The following PTPRG variants were observed in gnomAD, a reference collection of about 807,000 sequenced individuals.
PTPRG encodes protein tyrosine phosphatase receptor type G, also known as receptor-type tyrosine-protein phosphatase gamma.
A neutral mutation model predicts 165.3 loss-of-function variants in PTPRG; 102 were observed. The ratio of observed to expected loss-of-function variants is 0.62; its 90% CI spans 0.53 to 0.73. The LOEUF is 0.73. PTPRG is among the 30% of genes least tolerant of loss of function. PTPRG has a pLI of 0.00. For synonymous variants in PTPRG, 675 were observed against 669.5 expected (o/e 1.01, Z -0.13); for missense variants, 1,866 against 1,861.4 (o/e 1.00, Z -0.05).
Position 62,252,444 on chromosome 3 carries a change from T to C in PTPRG, c.2468-2680T>C, listed in dbSNP as rs1701446094. Among the ~76,000 whole-genome samples, 1 of 152,204 alleles carries C rather than the reference T, an allele frequency of 6.6e-6. No individual in the cohort carries two copies. Among genetic ancestry groups the C allele is most frequent in the African/African-American group, 2.4e-5 (1 of 41,462 alleles). The stretch of plus-strand genomic sequence containing the variant: ...CAGTATGCATTTCTTGGAGTACATG[T>C]TAATACATATAAAGTACACAGAAAG... On this transcript the variant is annotated intron_variant, in intron 15 of 29. Transcript: ENST00000474889. The surrounding 1 kb of genome is among the most constrained non-coding windows in gnomAD (Gnocchi z 4.6).
rs146339812 is a variant in PTPRG, at chr3:62,180,357, G to T, written c.1034-11112G>T. ...AGGGGACTACAACATTGTCTCAGCA[G>T]TGGGAAGCAGGAGAAAAACATCGTT... On this transcript the variant is annotated intron_variant, in intron 8 of 29. Coordinates refer to ENST00000474889, the MANE Select transcript of PTPRG (RefSeq NM_002841.4). Among the ~76,000 whole-genome samples, 369 of 152,312 alleles carry T rather than the reference G, an allele frequency of 2.4e-3. 3 individuals carry two copies. Among genetic ancestry groups the T allele is most frequent in the Admixed American group, 5.5e-3 (84 of 15,310 alleles).
At chr3:61,908,962 CCCTTT>C (rs909056671) in intron 2 of PTPRG, among the ~76,000 whole-genome samples, 73 of 152,252 alleles carry the variant, frequency 4.8e-4, no homozygotes, top group African/African-American at 1.7e-3. Flanking sequence ...CACTGACTTG[CCCTTT>C]CACTAGATAT....
chr3:62,065,710 C>A (rs1353198795), intron 4 of PTPRG, among the ~76,000 whole-genome samples: 1 of 152,140 alleles, frequency 6.6e-6, no homozygotes, highest in Non-Finnish European at 1.5e-5. Flanking sequence ...TTTGTAAGGA[C>A]CCTCCCAGTG....
At chr3:61,908,850 TCCAGTTC>T (rs1418086387) in intron 2 of PTPRG, among the ~76,000 whole-genome samples, 1 of 152,190 alleles carries the variant, frequency 6.6e-6, no homozygotes, top group Non-Finnish European at 1.5e-5. Flanking sequence ...CGTAAGAGTC[TCCAGTTC>T]CCGAATTTGT....
intron 12 of PTPRG, among the ~76,000 whole-genome samples, chr3:62,209,164 G>C (rs1700299995): frequency 6.6e-6 from 1 of 152,208 alleles, no homozygotes; most frequent in Non-Finnish European, 1.5e-5. Flanking sequence ...CAACCAGAGG[G>C]AATTCTGTCC....
rs142967229 is a variant in PTPRG at position 61,565,149 on chromosome 3, T to A, written c.85+2777T>A. On this transcript the variant is annotated intron_variant, in intron 1 of 29. Transcript: ENST00000474889. ...TTCAGGATATGGGTTAGCTGTAGTT[T>A]GGGCAGGGTTTTGGAAACACAGCCC... Among the ~76,000 whole-genome samples the A allele has an allele frequency of 2.0e-3, 300 of 152,322 alleles. 2 individuals carry two copies. The highest frequency in any genetic ancestry group is 6.8e-3 in the African/African-American group (284 of 41,566).
At chr3:61,789,636 C>T (rs1281274467) in intron 2 of PTPRG, among the ~76,000 whole-genome samples, 1 of 152,162 alleles carries the variant, frequency 6.6e-6, no homozygotes, top group Non-Finnish European at 1.5e-5. Flanking sequence ...GGATAGTGTT[C>T]CTTTCTTTCC....
chr3:61,981,061 C>G (rs1035625694), intron 2 of PTPRG, among the ~76,000 whole-genome samples: 1 of 152,224 alleles, frequency 6.6e-6, no homozygotes, highest in African/African-American at 2.4e-5. Context: ...CATAGTTCCA[C>G]ATGGCTGGGG....
chr3:61,743,157 A>G (rs585388), intron 1 of PTPRG: 793,566 of 1,023,076 alleles, frequency 0.78, 308,908 homozygotes, highest in Middle Eastern at 0.81. Context: ...TAATATTTTT[A>G]TCTTTTTTTG....
intron 1 of PTPRG, among the ~76,000 whole-genome samples, chr3:61,627,139 A>G (rs1467769373): frequency 6.6e-6 from 1 of 151,950 alleles, no homozygotes; most frequent in Non-Finnish European, 1.5e-5. Context: ...TGAGTACTGG[A>G]TGTTACCTGA....
chr3:61,670,270 C>T (rs1335047823), intron 1 of PTPRG, among the ~76,000 whole-genome samples: 7 of 152,058 alleles, frequency 4.6e-5, no homozygotes, highest in Non-Finnish European at 7.4e-5. Flanking sequence ...TTGACTTATC[C>T]CGAAAAATCA....
intron 2 of PTPRG, chr3:61,753,670 C>G (rs1309163352): frequency 4.7e-6 from 2 of 426,020 alleles, no homozygotes; most frequent in African/African-American, 4.2e-5. Flanking sequence ...CTGCAACCCC[C>G]CAACCCCCTG....
At chr3:62,055,995 G>C (rs1405504418) in intron 4 of PTPRG, among the ~76,000 whole-genome samples, 1 of 152,174 alleles carries the variant, frequency 6.6e-6, no homozygotes, top group Non-Finnish European at 1.5e-5. Context: ...CATTGCCCAA[G>C]CTCACTCAGC....
chr3:61,902,596 A>G (rs2038528157), intron 2 of PTPRG, among the ~76,000 whole-genome samples: 1 of 152,292 alleles, frequency 6.6e-6, no homozygotes, highest in Middle Eastern at 3.4e-3. Flanking sequence ...AAAAGATGTA[A>G]GTTGTAAAAT....
intron 4 of PTPRG, among the ~76,000 whole-genome samples, chr3:62,036,966 C>T (rs1249692266): frequency 7.9e-6 from 1 of 126,308 alleles, no homozygotes; most frequent in African/African-American, 3.1e-5. Flanking sequence ...CTCAGTGCTG[C>T]ACGTGCGCGC....
Position 61,857,299 on chromosome 3 carries a change from C to T in PTPRG, c.190+108317C>T, listed in dbSNP as rs188950788. ...TCCAGTGGCCAAGGCAAGACTTGAA[C>T]CCACCTCTTGTGAATTCATATCCCA... On this transcript the variant is annotated intron_variant, in intron 2 of 29. Transcript: ENST00000474889. Among the ~76,000 whole-genome samples the T allele has an allele frequency of 7.9e-5, 12 of 152,296 alleles. No homozygotes were observed. In the East Asian group the frequency reaches 2.3e-3, roughly 29 times the overall value.
intron 2 of PTPRG, among the ~76,000 whole-genome samples, chr3:61,855,675 A>G (rs1306597313): frequency 7.0e-6 from 1 of 142,462 alleles, no homozygotes; most frequent in Non-Finnish European, 1.5e-5. Context: ...TTTTTTTAAA[A>G]GCAAAGCACT....
At position 62,115,719 on chromosome 3, in the gene PTPRG, C is replaced by T. The variant is rs185597749; in HGVS notation, c.616-16883C>T. On this transcript the variant is annotated intron_variant, in intron 5 of 29. Transcript: ENST00000474889. ...GTGGGACTAATTTTTGTATTTTTTGCAGAGACAAGGGTTTTCCATTTTGCC... is the reference window on the plus strand; with the variant it reads ...GTGGGACTAATTTTTGTATTTTTTGTAGAGACAAGGGTTTTCCATTTTGCC... Among the ~76,000 whole-genome samples the T allele has an allele frequency of 1.5e-3, 225 of 150,904 alleles. 1 individual carries two copies. The highest frequency in any genetic ancestry group is 5.2e-3 in the African/African-American group (215 of 41,078).
intron 1 of PTPRG, among the ~76,000 whole-genome samples, chr3:61,568,765 G>A (rs1192150668): frequency 2.6e-5 from 4 of 152,016 alleles, no homozygotes; most frequent in Non-Finnish European, 4.4e-5. Flanking sequence ...AAAATTAGCT[G>A]GGCATGGTGG....
Sources: allele counts gnomAD v4.1 joint callset (sites outside exome capture counted in the v4.1 genomes callset), GRCh38; gene constraint gnomAD v4.1.1; non-coding constraint Gnocchi (gnomAD v3.1); transcripts MANE v1.5; gene names NCBI Gene and HGNC (gene_info 2026-07-23, HGNC 2026-07-21).